The following NELL1 variants were observed in gnomAD, a reference collection of about 807,000 sequenced individuals.
NELL1 encodes protein kinase C-binding protein NELL1.
In NELL1, 76 loss-of-function variants were observed where a neutral mutation model predicts 107.4. The observed-to-expected ratio is 0.71, with a 90% CI of 0.59 to 0.86. The LOEUF is 0.86. NELL1 is among the 40% of genes least tolerant of loss of function. The probability of loss-of-function intolerance (pLI) is 0.00; values close to 1 mark genes in which losing one functional copy is unlikely to be tolerated. For missense variants in NELL1, 1,024 were observed against 1,005.5 expected, an observed-to-expected ratio of 1.02 and a Z score of -0.25; for synonymous variants, 353 against 341.2, an observed-to-expected ratio of 1.03 and a Z score of -0.38.
At chr11:20,727,395 CT>C (rs1259159025) in intron 2 of NELL1, among the ~76,000 whole-genome samples, 1 of 152,180 alleles carries the variant, frequency 6.6e-6, no homozygotes, top group Non-Finnish European at 1.5e-5. Flanking sequence ...TAAATGTCTT[CT>C]TTTGAGAAGT....
chr11:21,469,459 C>A (rs566312070), intron 15 of NELL1, among the ~76,000 whole-genome samples: 2 of 152,120 alleles, frequency 1.3e-5, no homozygotes, highest in Admixed American at 1.3e-4. Context: ...CTTAGAATTT[C>A]ATAATTTCAG....
chr11:21,493,736 G>A (rs775735225), intron 15 of NELL1, among the ~76,000 whole-genome samples: 3 of 152,036 alleles, frequency 2.0e-5, no homozygotes, highest in Non-Finnish European at 4.4e-5. Context: ...TTTAAAAGAA[G>A]TTTGAAGAGA....
chr11:21,502,583 GT>G, intron 15 of NELL1, among the ~76,000 whole-genome samples: 1 of 152,196 alleles, frequency 6.6e-6, no homozygotes, highest in Middle Eastern at 3.4e-3. Context: ...GAAAGAAGTT[GT>G]GCCAAAAATA....
At chr11:21,420,639 A>AGACT (rs1852641893) in intron 15 of NELL1, among the ~76,000 whole-genome samples, 1 of 152,182 alleles carries the variant, frequency 6.6e-6, no homozygotes, top group Admixed American at 6.5e-5. Flanking sequence ...AAGAGTAATT[A>AGACT]GACTCCCAGG....
At chr11:20,774,890 G>C (rs1020710483) in intron 2 of NELL1, among the ~76,000 whole-genome samples, 9 of 151,874 alleles carry the variant, frequency 5.9e-5, no homozygotes, top group African/African-American at 1.9e-4. Flanking sequence ...TCAGATTCTT[G>C]ACAATCAGTG....
intron 2 of NELL1, among the ~76,000 whole-genome samples, chr11:20,704,825 A>G (rs1444647370): frequency 2.6e-5 from 4 of 152,220 alleles, no homozygotes; most frequent in Non-Finnish European, 5.9e-5. Flanking sequence ...TCAAGATACA[A>G]AATCAATATG....
At chr11:21,546,343 C>T (rs147750555) in intron 16 of NELL1, among the ~76,000 whole-genome samples, 7 of 152,098 alleles carry the variant, frequency 4.6e-5, no homozygotes, top group Admixed American at 1.3e-4. Flanking sequence ...TGTTTCATTA[C>T]AGAAACTCCT....
At chr11:20,684,802 G>A (rs962530832) in intron 2 of NELL1, among the ~76,000 whole-genome samples, 1 of 152,040 alleles carries the variant, frequency 6.6e-6, no homozygotes, top group Non-Finnish European at 1.5e-5. Flanking sequence ...AGTAGTTAGG[G>A]TAGAACTAAT....
At chr11:21,273,990 T>A (rs1218741634) in intron 14 of NELL1, among the ~76,000 whole-genome samples, 3 of 152,084 alleles carry the variant, frequency 2.0e-5, no homozygotes, top group Non-Finnish European at 4.4e-5. Context: ...AGAAACTGCA[T>A]CAACTAACGA....
intron 13 of NELL1, among the ~76,000 whole-genome samples, chr11:21,214,056 T>C (rs1235394075): frequency 1.3e-5 from 2 of 152,146 alleles, no homozygotes; most frequent in East Asian, 3.9e-4. Context: ...TGAGAAAATA[T>C]TGGCAAATCC....
intron 14 of NELL1, among the ~76,000 whole-genome samples, chr11:21,302,820 C>A (rs1849523042): frequency 6.6e-6 from 1 of 151,568 alleles, no homozygotes; most frequent in African/African-American, 2.4e-5. Context: ...TTTTGGAAGG[C>A]CTAGGTGGGA....
chr11:21,206,989 G>A (rs1823843), intron 13 of NELL1, among the ~76,000 whole-genome samples: 12,184 of 152,156 alleles, frequency 0.08, 788 homozygotes, highest in East Asian at 0.27. Context: ...GGATGCCTAC[G>A]TGACCATTAC....
chr11:21,027,628 C>T (rs981899452), intron 12 of NELL1, among the ~76,000 whole-genome samples: 2 of 152,106 alleles, frequency 1.3e-5, no homozygotes, highest in East Asian at 1.9e-4. Context: ...CTTTGGCTCT[C>T]TCAGAGTTGG....
At chr11:21,036,169 A>G (rs937126677) in intron 12 of NELL1, among the ~76,000 whole-genome samples, 1 of 152,212 alleles carries the variant, frequency 6.6e-6, no homozygotes, top group Non-Finnish European at 1.5e-5. Flanking sequence ...CTAGGAATAC[A>G]GCTAACCAGG....
intron 5 of NELL1, among the ~76,000 whole-genome samples, chr11:20,902,829 G>T (rs901965729): frequency 6.6e-6 from 1 of 151,950 alleles, no homozygotes; most frequent in Non-Finnish European, 1.5e-5. Context: ...AATTTTAAAT[G>T]AAAAAGCTAG....
chr11:21,309,260 G>A (rs1032189007), intron 14 of NELL1, among the ~76,000 whole-genome samples: 22 of 99,656 alleles, frequency 2.2e-4, no homozygotes, highest in African/African-American at 7.3e-4. Flanking sequence ...ATATATATAT[G>A]TATATATATA....
In NELL1 at chr11:21,383,287, G is replaced by A. The variant is rs766466456; in HGVS notation, c.1645+12339G>A. ...CAGTATTCGGTTTTTTTGGGCTAAC[G>A]TGGTTTTAAAGCATTTTCCAGTTTA... On this transcript the variant is annotated intron_variant, in intron 15 of 19. Transcript: ENST00000357134. Among the ~76,000 whole-genome samples the A allele has an allele frequency of 4.0e-5, 6 of 151,878 alleles. No individual in the cohort carries two copies. In the South Asian group the frequency reaches 8.3e-4, roughly 21 times the overall value.
chr11:20,845,102 CATG>C, intron 3 of NELL1, among the ~76,000 whole-genome samples: 1 of 152,302 alleles, frequency 6.6e-6, no homozygotes, highest in Admixed American at 6.5e-5. Flanking sequence ...AGTTATCTGA[CATG>C]TGTTTTCAAA....
At chr11:20,865,820 C>G (rs1445999709) in intron 4 of NELL1, among the ~76,000 whole-genome samples, 1 of 152,112 alleles carries the variant, frequency 6.6e-6, no homozygotes, top group Non-Finnish European at 1.5e-5. Flanking sequence ...CTTCTGTAAA[C>G]AATGCCGTTT....
Sources: allele counts gnomAD v4.1 joint callset (sites outside exome capture counted in the v4.1 genomes callset), GRCh38; gene constraint gnomAD v4.1.1; transcripts MANE v1.5; gene names NCBI Gene and HGNC (gene_info 2026-07-23, HGNC 2026-07-21).